Variants in FOXN3 observed in about 807,000 individuals in gnomAD.
The protein encoded by FOXN3 is forkhead box protein N3.
In FOXN3, 7 loss-of-function variants were observed where a neutral mutation model predicts 38.4. The ratio of observed to expected loss-of-function variants is 0.18; its 90% CI spans 0.10 to 0.34. The LOEUF is 0.34. Ranked by LOEUF, FOXN3 falls within the 10% of genes least tolerant of loss-of-function variation. The pLI, the probability that FOXN3 is intolerant of heterozygous loss-of-function variation, is 1.00. For missense variants in FOXN3, 456 were observed against 613.4 expected (o/e 0.74, Z 2.71); for synonymous variants, 230 against 242.2 (o/e 0.95, Z 0.47).
In FOXN3 at chr14:89,184,800, G is replaced by A. The variant is rs78270342; in HGVS notation, c.746-3994C>T. 6.1e-3 allele frequency among the ~76,000 whole-genome samples: 923 copies of A among 152,284 alleles called. 11 individuals carry two copies. Among genetic ancestry groups the A allele is most frequent in the African/African-American group, 0.021 (879 of 41,566 alleles). ...TGGCTCGTTATGTAAGCTCATCATC[G>A]TCATCGTCACCGTCATCCTTCTGCC... On this transcript the variant is annotated intron_variant, in intron 4 of 5. Coordinates refer to ENST00000557258, the MANE Select transcript of FOXN3 (RefSeq NM_005197.4).
intron 1 of FOXN3, among the ~76,000 whole-genome samples, chr14:89,478,721 C>T (rs1030614031): frequency 1.3e-5 from 2 of 151,928 alleles, no homozygotes; most frequent in African/African-American, 4.8e-5. Flanking sequence ...CACTTGAGGT[C>T]AGGAGTTTGA....
chr14:89,380,558 C>T (rs1234303114), intron 2 of FOXN3, among the ~76,000 whole-genome samples: 4 of 152,172 alleles, frequency 2.6e-5, no homozygotes, highest in African/African-American at 4.8e-5. Context: ...CCAGTGAGCC[C>T]GTACACCGTG....
At chr14:89,311,597 T>C (rs1168119135) in intron 3 of FOXN3, among the ~76,000 whole-genome samples, 4 of 148,282 alleles carry the variant, frequency 2.7e-5, no homozygotes, top group Admixed American at 1.3e-4. Context: ...GAGGCCAAGG[T>C]GGGCGGATCA....
chr14:89,482,399 T>C (rs766345948), intron 1 of FOXN3, among the ~76,000 whole-genome samples: 1 of 151,806 alleles, frequency 6.6e-6, no homozygotes, highest in Non-Finnish European at 1.5e-5. Context: ...AGGGGGAGGA[T>C]TGCTTAAGCC....
intron 4 of FOXN3, among the ~76,000 whole-genome samples, chr14:89,275,093 T>A (rs550787164): frequency 6.6e-6 from 1 of 152,320 alleles, no homozygotes; most frequent in African/African-American, 2.4e-5. Flanking sequence ...AGACAAGCAT[T>A]GTCATGACTC....
chr14:89,522,807 A>AT (rs1286971608), intron 1 of FOXN3, among the ~76,000 whole-genome samples: 1 of 152,072 alleles, frequency 6.6e-6, no homozygotes, highest in Non-Finnish European at 1.5e-5. Flanking sequence ...AGAAAAAAAA[A>AT]GCAATTGAGC....
intron 4 of FOXN3, among the ~76,000 whole-genome samples, chr14:89,253,209 G>A (rs137945258): frequency 8.5e-5 from 13 of 152,342 alleles, no homozygotes; most frequent in African/African-American, 2.6e-4. Flanking sequence ...AAAATGGAGG[G>A]AGCCTGAGTT....
At chr14:89,550,646 G>A (rs929453529) in intron 1 of FOXN3, among the ~76,000 whole-genome samples, 27 of 152,148 alleles carry the variant, frequency 1.8e-4, no homozygotes, top group African/African-American at 6.3e-4. Context: ...ATCAGAGATG[G>A]GGAGAAAGCA....
chr14:89,255,458 C>T (rs1347016989), intron 4 of FOXN3, among the ~76,000 whole-genome samples: 1 of 151,206 alleles, frequency 6.6e-6, no homozygotes, highest in East Asian at 1.9e-4. Flanking sequence ...CGCAACAGTA[C>T]TAGGCTCTAG....
chr14:89,410,946 T>C (rs943906904), intron 2 of FOXN3, among the ~76,000 whole-genome samples: 5 of 152,112 alleles, frequency 3.3e-5, no homozygotes, highest in African/African-American at 1.2e-4. Flanking sequence ...ACCGTCTTCT[T>C]TTCACTGACC....
chr14:89,539,326 G>A (rs1177649959), intron 1 of FOXN3, among the ~76,000 whole-genome samples: 1 of 152,174 alleles, frequency 6.6e-6, no homozygotes, highest in African/African-American at 2.4e-5. Context: ...AGGATATAAT[G>A]TGCAGTTTTG....
intron 1 of FOXN3, among the ~76,000 whole-genome samples, chr14:89,587,763 G>A (rs1357764088): frequency 6.6e-6 from 1 of 151,152 alleles, no homozygotes; most frequent in Non-Finnish European, 1.5e-5. Flanking sequence ...GCTTTCAGGA[G>A]GCTGAGGCAG....
intron 1 of FOXN3, among the ~76,000 whole-genome samples, chr14:89,507,520 A>G (rs1893970379): frequency 6.6e-6 from 1 of 152,234 alleles, no homozygotes; most frequent in African/African-American, 2.4e-5. Flanking sequence ...ACCATACATC[A>G]ACTTGCCTTA....
At chr14:89,175,003 A>G (rs545686972) in intron 5 of FOXN3, among the ~76,000 whole-genome samples, 1 of 152,336 alleles carries the variant, frequency 6.6e-6, no homozygotes, top group South Asian at 2.1e-4. Context: ...CAACAACCCT[A>G]TCTTAATACT....
intron 1 of FOXN3, among the ~76,000 whole-genome samples, chr14:89,561,608 G>A (rs1382312974): frequency 6.6e-6 from 1 of 152,154 alleles, no homozygotes; most frequent in Non-Finnish European, 1.5e-5. Flanking sequence ...AGTGAGCAGT[G>A]GCATTTATAA....
chr14:89,510,718 G>A (rs1262839884), intron 1 of FOXN3, among the ~76,000 whole-genome samples: 3 of 152,198 alleles, frequency 2.0e-5, no homozygotes, highest in Non-Finnish European at 4.4e-5. Flanking sequence ...GAGGCCAGCA[G>A]ATCACTTGAG....
At chr14:89,564,081 C>T (rs1173518217) in intron 1 of FOXN3, among the ~76,000 whole-genome samples, 1 of 152,046 alleles carries the variant, frequency 6.6e-6, no homozygotes, top group African/African-American at 2.4e-5. Flanking sequence ...TTTCGAACTC[C>T]TGACCTCAAG....
chr14:89,214,915 C>T (rs943167727), intron 4 of FOXN3, among the ~76,000 whole-genome samples: 11 of 152,106 alleles, frequency 7.2e-5, no homozygotes, highest in South Asian at 2.1e-4. Flanking sequence ...AAACTATTAC[C>T]GGGTAAGGTG....
chr14:89,298,598 A>G (rs1423276344), intron 3 of FOXN3, among the ~76,000 whole-genome samples: 3 of 152,158 alleles, frequency 2.0e-5, no homozygotes, highest in Non-Finnish European at 4.4e-5. Context: ...GGCTGGCCAG[A>G]CAGTACATAA....
Sources: gnomAD v4.1 joint callset for allele counts (sites outside exome capture counted in the v4.1 genomes callset) on GRCh38, gnomAD v4.1.1 for gene constraint, MANE v1.5 for transcripts, NCBI Gene and HGNC (gene_info 2026-07-23, HGNC 2026-07-21) for gene names.